Variants in GART observed in about 807,000 individuals in gnomAD.
GART encodes the protein phosphoribosylglycinamide formyltransferase, phosphoribosylglycinamide synthetase, phosphoribosylaminoimidazole synthetase, also known as trifunctional purine biosynthetic protein adenosine-3.
GART carries 43 observed loss-of-function variants against 107.2 expected under a neutral mutation model. That is an observed-to-expected ratio of 0.40 (90% CI 0.31 to 0.52). The LOEUF (loss-of-function observed/expected upper bound fraction) is 0.52, where lower values mean the gene tolerates loss of function less well. Among genes scored for constraint, GART ranks in the 20% least tolerant of loss-of-function variants. The pLI, the probability that GART is intolerant of heterozygous loss-of-function variation, is 0.52. For missense variants in GART, 1,107 were observed against 1,206.5 expected (o/e 0.92, Z 1.22); for synonymous variants, 434 against 427.0 (o/e 1.02, Z -0.20).
chr21:33,528,632 A>AC, intron 8 of GART, 28 bp from the exon 9 acceptor site: 2 of 1,417,340 alleles, frequency 1.4e-6, no homozygotes, highest in Non-Finnish European at 1.9e-6. Flanking sequence ...AAAAAAAAAA[A>AC]GAGAGAAAGA....
chr21:33,508,051 G>A (rs570038572), intron 18 of GART, among the ~76,000 whole-genome samples: 4 of 152,138 alleles, frequency 2.6e-5, no homozygotes, highest in Admixed American at 1.3e-4. Flanking sequence ...CCTTCCTCTT[G>A]GGATAATGGA....
rs186771861 is a variant in GART, at chr21:33,538,578, T to C, written c.145+593A>G. On this transcript the variant is annotated intron_variant, in intron 2 of 21. Coordinates refer to ENST00000381815, the MANE Select transcript of GART (RefSeq NM_000819.5). ...ATACTAAACTTTCCATTTACAAAAATACACAACAAAATGCCTTTAATCTGT... is the reference window on the plus strand; with the variant it reads ...ATACTAAACTTTCCATTTACAAAAACACACAACAAAATGCCTTTAATCTGT... Among the ~76,000 whole-genome samples, 346 of 152,244 alleles carry C rather than the reference T, an allele frequency of 2.3e-3. 1 individual carries two copies. The highest frequency in any genetic ancestry group is 0.017 in the Middle Eastern group (5 of 294).
At chr21:33,542,162 C>T (rs1418262584), upstream of GART, 1 of 152,274 alleles carries the variant, frequency 6.6e-6, no homozygotes, top group Non-Finnish European at 1.5e-5. Flanking sequence ...CCTCACTGCC[C>T]CGCCCTACGA....
At chr21:33,535,435 T>C (rs1409257350) in intron 2 of GART, 115 bp from the exon 3 acceptor site, 1 of 591,896 alleles carries the variant, frequency 1.7e-6, no homozygotes, top group Admixed American at 3.4e-5. Flanking sequence ...GCTTGTTATC[T>C]GTTGGTTTTC....
At chr21:33,538,890 C>T (rs182328215) in intron 2 of GART, among the ~76,000 whole-genome samples, 10 of 152,260 alleles carry the variant, frequency 6.6e-5, no homozygotes, top group Admixed American at 2.0e-4. Flanking sequence ...AAGCCATTCT[C>T]CTGCCTCAGC....
intron 6 of GART, 105 bp downstream of exon 6, chr21:33,531,384 G>C: frequency 1.0e-6 from 1 of 973,954 alleles, no homozygotes; most frequent in Non-Finnish European, 1.6e-6. Flanking sequence ...CTGGGTTTAT[G>C]TTTTTAGATG....
At chr21:33,524,609 T>C in intron 11 of GART, 160 bp downstream of exon 11, 1 of 1,373,032 alleles carries the variant, frequency 7.3e-7, no homozygotes. Flanking sequence ...TGAGTATTGC[T>C]ATAACCAGTT....
At chr21:33,521,101 G>A in intron 12 of GART, 86 bp from the exon 13 acceptor site, 1 of 1,094,068 alleles carries the variant, frequency 9.1e-7, no homozygotes, top group Non-Finnish European at 1.4e-6. Context: ...AAAAAAACCA[G>A]TATATTTAGC....
chr21:33,520,608 A>C (rs756594445), intron 13 of GART, 46 bp from the exon 14 acceptor site: 2 of 1,521,916 alleles, frequency 1.3e-6, no homozygotes, highest in Non-Finnish European at 1.8e-6. Context: ...ATAAGTTCAA[A>C]ATTGTATCTT....
intron 1 of GART, among the ~76,000 whole-genome samples, chr21:33,541,125 A>C (rs1329709951): frequency 6.6e-6 from 1 of 152,122 alleles, no homozygotes; most frequent in East Asian, 1.9e-4. Flanking sequence ...GTGTATCTGA[A>C]ATAAACAGAT....
At position 33,520,554 on chromosome 21, in the gene GART, C is replaced by T; in HGVS notation, c.1512G>A (p.Gln504=). 1 of 1,613,604 alleles carries T rather than the reference C, an allele frequency of 6.2e-7. No homozygotes were observed. The highest frequency in any genetic ancestry group is 8.5e-7 in the Non-Finnish European group (1 of 1,179,604). ...DGVGTKLKIA[Q]LCNKHDTIGQ... Reference sequence around the variant, plus strand: ...CAATGGTATCATGTTTATTGCATAGCTGGGCAATCTATGTAAGAACAATAT... The same window carrying T: ...CAATGGTATCATGTTTATTGCATAGTTGGGCAATCTATGTAAGAACAATAT... Residue 504 remains glutamine (Q), a synonymous_variant, in exon 14 of 22, where the codon CAG becomes CAA. Coordinates refer to ENST00000381815, the MANE Select transcript of GART (RefSeq NM_000819.5).
chr21:33,535,805 A>T (rs1054663277), intron 2 of GART, among the ~76,000 whole-genome samples: 1 of 152,162 alleles, frequency 6.6e-6, no homozygotes, highest in African/African-American at 2.4e-5. Flanking sequence ...AGGTGGGTGG[A>T]TCACCTAAGG....
At chr21:33,506,154 T>TA (rs765817436) in intron 18 of GART, 50 bp from the exon 19 acceptor site, 3 of 1,579,402 alleles carry the variant, frequency 1.9e-6, no homozygotes, top group Non-Finnish European at 2.6e-6. Context: ...CTTCTTTTTT[T>TA]TTTTTTGAGA....
chr21:33,541,999 G>A (rs1359037009), intron 1 of GART, 66 bp downstream of exon 1: 2 of 152,212 alleles, frequency 1.3e-5, no homozygotes, highest in Non-Finnish European at 2.9e-5. Flanking sequence ...CACTCAGTTC[G>A]CGATCTTAAA....
rs35035222 is a variant in GART, at chr21:33,532,391, G to A, written c.482C>T (p.Ala161Val). ...TTTGCAGGCCTCTTCTTTGCTCTTTGCAACAATCACCCCTTTTCCAGCTGC... is the reference window on the plus strand; with the variant it reads ...TTTGCAGGCCTCTTCTTTGCTCTTTACAACAATCACCCCTTTTCCAGCTGC... ...GLAAGKGVIV[A>V]KSKEEACKAV... is the part of the protein sequence containing the mutation. The change falls in exon 5 of 22, where the codon GCA (alanine) becomes GTA (valine). Residue 161 changes from alanine (A) to valine (V), a missense_variant. By Grantham distance (64) the Ala-to-Val change is moderately conservative. Transcript: ENST00000381815. The A allele has an allele frequency of 3.1e-6, 5 of 1,613,820 alleles. No homozygotes were observed. The African/African-American group carries it at 6.7e-5, about 22-fold the overall frequency.
chr21:33,532,446 G>C lies in GART; in HGVS notation c.427C>G (p.Pro143Ala), dbSNP rs866218378. The C allele has an allele frequency of 1.2e-6, 2 of 1,613,040 alleles. No individual in the cohort carries two copies. The highest frequency in any genetic ancestry group is 1.6e-4 in the Middle Eastern group (1 of 6,082). ...ACSFILSADF[P>A]ALVVKASGLA... is the part of the protein sequence containing the mutation. ...CCACTGGCCTTCACAACCAAAGCAG[G>C]GAAGTCTGCACTGTAAAGACAGAGT... Residue 143 changes from proline (P) to alanine (A), a missense_variant, in exon 5 of 22, where the codon CCT (proline) becomes GCT (alanine). By Grantham distance (27) the Pro-to-Ala change is conservative. Transcript: ENST00000381815.
rs1177931148 is a variant in GART, at chr21:33,541,549, C to T, written c.-42+516G>A. ...GGATCACTGAAAATAGCCTTACTAC[C>T]CAGTGGTGAGGACGCCTGGGCTCCT... On this transcript the variant is annotated intron_variant, in intron 1 of 21. Coordinates refer to ENST00000381815, the MANE Select transcript of GART (RefSeq NM_000819.5). Among the ~76,000 whole-genome samples, 3 of 152,158 alleles carry T rather than the reference C, an allele frequency of 2.0e-5. No homozygotes were observed. The East Asian group carries it at 5.8e-4, about 29-fold the overall frequency.
chr21:33,527,572 T>C (rs909852005), intron 10 of GART, among the ~76,000 whole-genome samples: 1 of 151,984 alleles, frequency 6.6e-6, no homozygotes, highest in African/African-American at 2.4e-5. Flanking sequence ...GGCCAAACTA[T>C]AGGCTGCTAG....
chr21:33,536,968 T>C (rs1352455856), intron 2 of GART, among the ~76,000 whole-genome samples: 1 of 152,204 alleles, frequency 6.6e-6, no homozygotes, highest in Non-Finnish European at 1.5e-5. Context: ...GTGACTACTG[T>C]ATAGGGTCCA....
Sources: gnomAD v4.1 joint callset for allele counts (sites outside exome capture counted in the v4.1 genomes callset) on GRCh38, gnomAD v4.1.1 for gene constraint, MANE v1.5 for transcripts, NCBI Gene and HGNC (gene_info 2026-07-23, HGNC 2026-07-21) for gene names.